ARL6: variants seen among roughly 807,000 people sequenced by gnomAD.
ARL6 encodes ARF like GTPase 6.
ARL6 carries 18 observed loss-of-function variants against 27.1 expected under a neutral mutation model. The ratio of observed to expected loss-of-function variants is 0.66; its 90% confidence interval spans 0.46 to 0.98. ARL6 has a LOEUF of 0.98. Ranked by LOEUF, ARL6 falls within the 50% of genes least tolerant of loss-of-function variation. The pLI is 0.00. For missense variants in ARL6, 187 were observed against 214.9 expected (o/e 0.87, Z 0.81); for synonymous variants, 65 against 72.3 (o/e 0.90, Z 0.51).
chr3:97,765,351 CAGAGTTTACTA>C (rs1439994177), intron 1 of ARL6, among the ~76,000 whole-genome samples: 2 of 152,066 alleles, frequency 1.3e-5, no homozygotes, highest in African/African-American at 4.8e-5. Context: ...AAACACTTTA[CAGAGTTTACTA>C]AGTATCATTC....
chr3:97,775,717 T>C (rs2036865507), intron 2 of ARL6, among the ~76,000 whole-genome samples: 1 of 152,248 alleles, frequency 6.6e-6, no homozygotes, highest in African/African-American at 2.4e-5. Context: ...AGGAAGCATG[T>C]TAATTTCCAT....
intron 7 of ARL6, among the ~76,000 whole-genome samples, chr3:97,796,113 G>A (rs1468265257): frequency 1.3e-5 from 2 of 152,130 alleles, no homozygotes; most frequent in African/African-American, 4.8e-5. Flanking sequence ...ATTTTTTAGT[G>A]TTCACTTATA....
At chr3:97,772,767 A>G (rs1360492069) in intron 2 of ARL6, among the ~76,000 whole-genome samples, 1 of 151,584 alleles carries the variant, frequency 6.6e-6, no homozygotes, top group Non-Finnish European at 1.5e-5. Flanking sequence ...GATTATAGGC[A>G]TGCACCACCA....
intron 7 of ARL6, among the ~76,000 whole-genome samples, chr3:97,797,333 G>C (rs1045619307): frequency 3.9e-5 from 6 of 152,028 alleles, no homozygotes; most frequent in African/African-American, 1.4e-4. Flanking sequence ...GGATGGGAGT[G>C]GGAAAGACAA....
At chr3:97,775,155 A>C (rs2036830309) in intron 2 of ARL6, among the ~76,000 whole-genome samples, 1 of 151,966 alleles carries the variant, frequency 6.6e-6, no homozygotes, top group Non-Finnish European at 1.5e-5. Context: ...CAATGAAAGA[A>C]CTCCATCCTT....
rs2038239485 is a variant in ARL6, at chr3:97,801,102, C to T, written c.*3053C>T. 2 of 152,150 alleles carry T rather than the reference C, an allele frequency of 1.3e-5. No individual in the cohort carries two copies. The highest frequency in any genetic ancestry group is 2.9e-5 in the Non-Finnish European group (2 of 68,022). 9.4% of individuals were successfully genotyped at this position (152,150 alleles called of 1,614,324 possible). On this transcript the variant is annotated 3_prime_UTR_variant, in exon 8 of 8. Coordinates refer to ENST00000463745, the MANE Select transcript of ARL6 (RefSeq NM_001278293.3). ...GTGCATGTGCATTAAAATACTATTG[C>T]ATTGTAACTGAGTTTGTACCTATTT...
intron 6 of ARL6, among the ~76,000 whole-genome samples, chr3:97,789,020 G>A (rs932110138): frequency 6.6e-6 from 1 of 152,102 alleles, no homozygotes; most frequent in Admixed American, 6.5e-5. Context: ...CACAAGAAGG[G>A]TGAACTAGAA....
At chr3:97,782,812 A>G (rs1406540858) in intron 4 of ARL6, among the ~76,000 whole-genome samples, 1 of 150,592 alleles carries the variant, frequency 6.6e-6, no homozygotes, top group African/African-American at 2.4e-5. Flanking sequence ...TGCTATATAT[A>G]TAACCATAGT....
At chr3:97,769,818 A>C (rs2036556345) in intron 2 of ARL6, among the ~76,000 whole-genome samples, 1 of 152,030 alleles carries the variant, frequency 6.6e-6, no homozygotes, top group African/African-American at 2.4e-5. Flanking sequence ...TATTTCACTT[A>C]ACTTAATGAC....
chr3:97,780,578 A>G, intron 3 of ARL6, 37 bp from the exon 4 acceptor site: 1 of 1,522,024 alleles, frequency 6.6e-7, no homozygotes, highest in East Asian at 2.3e-5. Flanking sequence ...GTTATGCTTT[A>G]GTTTATAATG....
At chr3:97,773,579 A>C (rs1304313459) in intron 2 of ARL6, among the ~76,000 whole-genome samples, 1 of 152,248 alleles carries the variant, frequency 6.6e-6, no homozygotes. Flanking sequence ...TCCTTCGTAC[A>C]ACCGGAAATA....
chr3:97,775,799 ACTTGATATG>A (rs1253672158), intron 2 of ARL6, among the ~76,000 whole-genome samples: 27 of 152,324 alleles, frequency 1.8e-4, no homozygotes, highest in Non-Finnish European at 4.0e-4. Context: ...TAGAAAAGAT[ACTTGATATG>A]ATTTCTACCT....
chr3:97,794,101 G>A (rs1265335888), intron 7 of ARL6, among the ~76,000 whole-genome samples: 4 of 151,772 alleles, frequency 2.6e-5, no homozygotes, highest in Admixed American at 6.6e-5. Context: ...TAAAAAAGGT[G>A]GAAACTAAGC....
chr3:97,791,619 C>A (rs2037740596), intron 6 of ARL6, 152 bp from the exon 7 acceptor site: 1 of 602,982 alleles, frequency 1.7e-6, no homozygotes, highest in Non-Finnish European at 2.9e-6. Context: ...CTTTTATTTT[C>A]TGTTTATTTT....
chr3:97,780,467 A>T, intron 3 of ARL6, 148 bp from the exon 4 acceptor site: 1 of 749,146 alleles, frequency 1.3e-6, no homozygotes, highest in South Asian at 1.8e-5. Flanking sequence ...ATATTAATAC[A>T]TTTATTTCAT....
intron 2 of ARL6, among the ~76,000 whole-genome samples, chr3:97,775,223 T>C (rs1053159505): frequency 1.3e-5 from 2 of 152,164 alleles, no homozygotes; most frequent in African/African-American, 4.8e-5. Context: ...GTCAGGGTCC[T>C]CTAGAAGGAC....
At chr3:97,771,459 A>G (rs1431119998) in intron 2 of ARL6, among the ~76,000 whole-genome samples, 1 of 152,112 alleles carries the variant, frequency 6.6e-6, no homozygotes, top group Admixed American at 6.5e-5. Context: ...TCATCTGCAA[A>G]CAAGGATAAT....
intron 7 of ARL6, 49 bp from the exon 8 acceptor site, chr3:97,797,971 AATAG>A (rs1016789709): frequency 2.7e-5 from 42 of 1,543,306 alleles, no homozygotes; most frequent in Non-Finnish European, 3.6e-5. Flanking sequence ...TACTTTAGAA[AATAG>A]ATTTTGCCCT....
intron 4 of ARL6, among the ~76,000 whole-genome samples, chr3:97,781,536 T>C (rs1307478489): frequency 2.6e-5 from 4 of 152,024 alleles, no homozygotes; most frequent in African/African-American, 4.8e-5. Context: ...ATGGAAGAAT[T>C]TGCATATGTT....
Sources: allele counts gnomAD v4.1 joint callset (sites outside exome capture counted in the v4.1 genomes callset), GRCh38; gene constraint gnomAD v4.1.1; transcripts MANE v1.5; gene names NCBI Gene and HGNC (gene_info 2026-07-23, HGNC 2026-07-21).